The following ACYP2 variants were observed in gnomAD, a reference collection of about 807,000 sequenced individuals.
ACYP2 encodes acylphosphatase 2, also known as acylphosphatase-2.
ACYP2 carries 12 observed loss-of-function variants against 11.2 expected under a neutral mutation model. The observed-to-expected ratio is 1.08, with a 90% CI of 0.69 to 1.74. The LOEUF (loss-of-function observed/expected upper bound fraction) is 1.74. Among genes scored for constraint, ACYP2 ranks in the 40% most tolerant of loss-of-function variants. ACYP2 has a pLI of 0.00. For synonymous variants in ACYP2, 43 were observed against 32.2 expected, an observed-to-expected ratio of 1.33 and a Z score of -1.13; for missense variants, 134 against 101.9, an observed-to-expected ratio of 1.31 and a Z score of -1.35.
chr2:54,119,974 G>A (rs578158532), intron 4 of ACYP2, among the ~76,000 whole-genome samples: 2 of 152,288 alleles, frequency 1.3e-5, no homozygotes, highest in South Asian at 4.1e-4. Flanking sequence ...ATTGGGATTT[G>A]TCTGATATTT....
intron 2 of ACYP2, among the ~76,000 whole-genome samples, chr2:53,987,185 C>A (rs1672076559): frequency 6.6e-6 from 1 of 152,100 alleles, no homozygotes; most frequent in Admixed American, 6.5e-5. Flanking sequence ...GGGTAGGGTA[C>A]AGAATGGAAG....
intron 6 of ACYP2, among the ~76,000 whole-genome samples, chr2:54,149,023 G>C (rs1042333214): frequency 2.0e-5 from 3 of 152,114 alleles, no homozygotes; most frequent in African/African-American, 7.2e-5. Flanking sequence ...GGGTGAGGTG[G>C]GTGGATTGCT....
chr2:54,125,648 G>A (rs187972794), intron 4 of ACYP2, among the ~76,000 whole-genome samples: 1,976 of 152,278 alleles, frequency 0.013, 53 homozygotes, highest in African/African-American at 0.045. Context: ...TACTCAGGAG[G>A]CTGAGGCAGG....
intron 6 of ACYP2, among the ~76,000 whole-genome samples, chr2:54,258,720 A>G (rs1687658338): frequency 6.6e-6 from 1 of 152,180 alleles, no homozygotes; most frequent in Non-Finnish European, 1.5e-5. Context: ...GATGGTGGAC[A>G]TAGTATGATG....
intron 2 of ACYP2, among the ~76,000 whole-genome samples, chr2:54,039,819 TTGTGTGTGTGTGTGTGTGTGTGTG>T (rs751604890): frequency 6.3e-5 from 8 of 126,684 alleles, no homozygotes; most frequent in Admixed American, 1.7e-4. Flanking sequence ...TTGTTTTCTT[TTGTGTGTGTGTGTGTGTGTGTGTG>T]TGTGTGTGTG....
intron 4 of ACYP2, among the ~76,000 whole-genome samples, chr2:54,058,263 A>G (rs1676263875): frequency 6.6e-6 from 1 of 151,578 alleles, no homozygotes; most frequent in Non-Finnish European, 1.5e-5. Context: ...TTATCAAAGT[A>G]GTACAAAGCT....
chr2:54,201,640 T>TTCTTTC (rs1368705353), intron 6 of ACYP2, among the ~76,000 whole-genome samples: 2 of 60,662 alleles, frequency 3.3e-5, no homozygotes, highest in Admixed American at 1.5e-4. Flanking sequence ...TTCTTTCTCT[T>TTCTTTC]TCTTTCTTTC....
Position 54,272,595 on chromosome 2 carries a change from G to A in ACYP2, c.405-32093G>A, listed in dbSNP as rs573224040. Among the ~76,000 whole-genome samples, 10 of 152,272 alleles carry A rather than the reference G, an allele frequency of 6.6e-5. No homozygotes were observed. The South Asian group carries it at 1.9e-3, about 28-fold the overall frequency. On this transcript the variant is annotated intron_variant, in intron 6 of 6. Transcript: ENST00000607452. Reference sequence around the variant, plus strand: ...CGATGGAGTAAGTGGCTTCCTTCACGACCAGTGGTCTTTCCATTGTACCAA... The same window carrying A: ...CGATGGAGTAAGTGGCTTCCTTCACAACCAGTGGTCTTTCCATTGTACCAA...
intron 6 of ACYP2, among the ~76,000 whole-genome samples, chr2:54,182,561 C>T (rs879362612): frequency 8.5e-5 from 13 of 152,144 alleles, no homozygotes; most frequent in South Asian, 2.1e-4. Context: ...TGGTCTTGAA[C>T]TCCTGGGCTC....
chr2:54,167,923 T>G (rs184995023), intron 6 of ACYP2, among the ~76,000 whole-genome samples: 93 of 152,276 alleles, frequency 6.1e-4, no homozygotes, highest in Admixed American at 4.5e-3. Context: ...TTTAAAAAAT[T>G]ACCACATAAT....
intron 6 of ACYP2, among the ~76,000 whole-genome samples, chr2:54,201,622 T>TTTC (rs1402481874): frequency 1.9e-5 from 2 of 105,496 alleles, no homozygotes; most frequent in Non-Finnish European, 3.9e-5. Context: ...CTTTCTTTCT[T>TTTC]TGTTTCTTTC....
chr2:54,019,319 G>T (rs943735141), intron 2 of ACYP2, among the ~76,000 whole-genome samples: 8 of 151,936 alleles, frequency 5.3e-5, no homozygotes, highest in African/African-American at 1.9e-4. Context: ...TTATCCTCCT[G>T]CCTCAGCTTC....
chr2:54,171,093 C>T (rs553847112), intron 6 of ACYP2, among the ~76,000 whole-genome samples: 1 of 152,250 alleles, frequency 6.6e-6, no homozygotes, highest in East Asian at 1.9e-4. Flanking sequence ...GCCGGGATCT[C>T]TGAGCCAGAG....
intron 6 of ACYP2, among the ~76,000 whole-genome samples, chr2:54,165,113 G>T (rs1237200439): frequency 6.6e-6 from 1 of 151,950 alleles, no homozygotes; most frequent in African/African-American, 2.4e-5. Flanking sequence ...GTCTCTTATT[G>T]ATGGGCATTT....
intron 2 of ACYP2, among the ~76,000 whole-genome samples, chr2:54,039,775 T>C (rs1675121450): frequency 6.6e-6 from 1 of 151,750 alleles, no homozygotes; most frequent in Admixed American, 6.6e-5. Context: ...ATTTATGTTT[T>C]TATCGGTGTC....
At chr2:54,130,123 G>A (rs1469991076) in intron 4 of ACYP2, among the ~76,000 whole-genome samples, 1 of 152,046 alleles carries the variant, frequency 6.6e-6, no homozygotes, top group Non-Finnish European at 1.5e-5. Context: ...ATAAAGATAG[G>A]AAATCAAAAA....
chr2:54,167,479 A>G (rs1231560529), intron 6 of ACYP2, among the ~76,000 whole-genome samples: 1 of 152,204 alleles, frequency 6.6e-6, no homozygotes, highest in Non-Finnish European at 1.5e-5. Flanking sequence ...ACCCACATTT[A>G]GATTTCACAG....
intron 6 of ACYP2, among the ~76,000 whole-genome samples, chr2:54,232,999 T>C (rs2103969824): frequency 6.6e-6 from 1 of 152,316 alleles, no homozygotes; most frequent in South Asian, 2.1e-4. Flanking sequence ...AGGGTTTCTT[T>C]TAAAATTTTT....
intron 2 of ACYP2, among the ~76,000 whole-genome samples, chr2:54,004,651 C>T (rs1363693745): frequency 2.0e-5 from 3 of 151,740 alleles, no homozygotes; most frequent in Admixed American, 6.6e-5. Flanking sequence ...ACCTTGTGAT[C>T]GGCCCGCCTT....
Sources: allele counts gnomAD v4.1 joint callset (sites outside exome capture counted in the v4.1 genomes callset), GRCh38; gene constraint gnomAD v4.1.1; transcripts MANE v1.5; gene names NCBI Gene and HGNC (gene_info 2026-07-23, HGNC 2026-07-21).